The following WDR27 variants were observed in gnomAD, a reference collection of about 807,000 sequenced individuals.
WDR27 encodes WD repeat-containing protein 27.
A neutral mutation model predicts 114.4 loss-of-function variants in WDR27; 100 were observed. That is an observed-to-expected ratio of 0.87 (90% CI 0.74 to 1.03). The LOEUF (loss-of-function observed/expected upper bound fraction) is 1.03. Among genes scored for constraint, WDR27 ranks in the 50% least tolerant of loss-of-function variants. WDR27 has a pLI of 0.00. For synonymous variants in WDR27, 449 were observed against 423.1 expected (o/e 1.06, Z -0.75); for missense variants, 1,129 against 1,092.9 (o/e 1.03, Z -0.47).
intron 1 of WDR27, among the ~76,000 whole-genome samples, chr6:169,694,634 T>C (rs1785363107): frequency 6.6e-6 from 1 of 152,134 alleles, no homozygotes. Flanking sequence ...CCTAATCCAA[T>C]GGAGAGAAAA....
At chr6:169,700,258 T>G (rs1384258199) in intron 1 of WDR27, among the ~76,000 whole-genome samples, 2 of 152,232 alleles carry the variant, frequency 1.3e-5, no homozygotes, top group Non-Finnish European at 1.5e-5. Flanking sequence ...GAGAGAACTG[T>G]GCAATCCTGA....
intron 23 of WDR27, among the ~76,000 whole-genome samples, chr6:169,593,811 T>C (rs1210250453): frequency 1.3e-5 from 2 of 152,120 alleles, no homozygotes; most frequent in African/African-American, 2.4e-5. Context: ...ATCGCGGCAC[T>C]GAACTCCAAC....
intron 23 of WDR27, among the ~76,000 whole-genome samples, chr6:169,592,848 CCT>C (rs1345652111): frequency 1.3e-5 from 2 of 152,102 alleles, no homozygotes; most frequent in Admixed American, 6.6e-5. Context: ...TTCATGGATT[CCT>C]CTTTTACCGG....
chr6:169,657,985 T>G (rs1824727602), intron 13 of WDR27: 1 of 274,936 alleles, frequency 3.6e-6, no homozygotes, highest in East Asian at 6.1e-5. Flanking sequence ...TTGCTGAAGG[T>G]CCACTCTGCA....
At chr6:169,481,450 G>A (rs533516158) in intron 25 of WDR27, among the ~76,000 whole-genome samples, 1 of 152,302 alleles carries the variant, frequency 6.6e-6, no homozygotes, top group African/African-American at 2.4e-5. Context: ...AACCTGCTCG[G>A]GTTCCCTTCC....
intron 1 of WDR27, among the ~76,000 whole-genome samples, chr6:169,690,285 T>TCCA (rs368698117): frequency 1.1e-3 from 165 of 152,280 alleles, no homozygotes; most frequent in African/African-American, 3.9e-3. Context: ...ATTCGAAAAA[T>TCCA]CCACCCGTGT....
At chr6:169,580,318 AT>A (rs1204610348) in intron 24 of WDR27, among the ~76,000 whole-genome samples, 49 of 152,362 alleles carry the variant, frequency 3.2e-4, no homozygotes, top group African/African-American at 1.2e-3. Context: ...AACCAAGGGT[AT>A]TCATTTTAAA....
chr6:169,696,690 G>T (rs925821414), intron 1 of WDR27, among the ~76,000 whole-genome samples: 4 of 152,158 alleles, frequency 2.6e-5, no homozygotes, highest in Non-Finnish European at 5.9e-5. Context: ...TGAGGCGGGT[G>T]GATCACGAGG....
At chr6:169,654,832 G>GGC (rs1823662746) in intron 13 of WDR27, among the ~76,000 whole-genome samples, 1 of 152,040 alleles carries the variant, frequency 6.6e-6, no homozygotes, top group Admixed American at 6.6e-5. Context: ...CTCAGAAGGA[G>GGC]GCGGCTCGCT....
At chr6:169,492,065 A>T (rs879598950) in intron 25 of WDR27, among the ~76,000 whole-genome samples, 5 of 152,240 alleles carry the variant, frequency 3.3e-5, no homozygotes, top group Non-Finnish European at 5.9e-5. Flanking sequence ...ATTTTAAATA[A>T]GAAAATAGTC....
intron 22 of WDR27, among the ~76,000 whole-genome samples, chr6:169,603,150 T>TC (rs1449111566): frequency 7.2e-6 from 1 of 139,174 alleles, no homozygotes; most frequent in East Asian, 2.1e-4. Context: ...CCAAGATAAT[T>TC]CTTTTTTTTT....
chr6:169,548,265 C>G (rs1343260927), intron 25 of WDR27, among the ~76,000 whole-genome samples: 1 of 152,168 alleles, frequency 6.6e-6, no homozygotes, highest in Non-Finnish European at 1.5e-5. Flanking sequence ...CCAATTCGAT[C>G]TACACATTCA....
At chr6:169,613,926 C>G (rs1026356975) in intron 21 of WDR27, among the ~76,000 whole-genome samples, 7 of 151,928 alleles carry the variant, frequency 4.6e-5, no homozygotes, top group East Asian at 1.9e-4. Context: ...CAAAAAAGAC[C>G]AAGATAGTAA....
At chr6:169,561,454 T>G (rs890886297) in intron 25 of WDR27, among the ~76,000 whole-genome samples, 9 of 152,148 alleles carry the variant, frequency 5.9e-5, no homozygotes, top group Middle Eastern at 3.4e-3. Flanking sequence ...AGAGGAGAAA[T>G]GGAAGTTTGC....
chr6:169,583,005 A>G, intron 23 of WDR27, 71 bp from the exon 24 acceptor site: 4 of 1,345,694 alleles, frequency 3.0e-6, no homozygotes, highest in Non-Finnish European at 4.2e-6. Context: ...TAGGCAGAGC[A>G]GAGGGACCAT....
chr6:169,459,160 G>A (rs957615581), intron 25 of WDR27, among the ~76,000 whole-genome samples: 1 of 152,096 alleles, frequency 6.6e-6, no homozygotes. Flanking sequence ...ACAGCACAAC[G>A]ACTTTAAAAC....
chr6:169,552,367 C>A (rs1438498064), intron 25 of WDR27, among the ~76,000 whole-genome samples: 8 of 152,218 alleles, frequency 5.3e-5, no homozygotes, highest in Admixed American at 2.0e-4. Context: ...GAAACGCCAG[C>A]TCCACGAGGA....
At chr6:169,666,909 G>C in intron 6 of WDR27, 1 of 985,426 alleles carries the variant, frequency 1.0e-6, no homozygotes, top group Non-Finnish European at 1.2e-6. Context: ...AAACAGAAAG[G>C]CCCAGACTCC....
At chr6:169,435,311 C>T in the WDR27 span, among the ~76,000 whole-genome samples, 2 of 152,354 alleles carry the variant, frequency 1.3e-5, no homozygotes, top group Admixed American at 1.3e-4. Flanking sequence ...GGTGAGTCCC[C>T]ACTGGGGCAT....
Sources: allele counts gnomAD v4.1 joint callset (sites outside exome capture counted in the v4.1 genomes callset), GRCh38; gene constraint gnomAD v4.1.1; transcripts MANE v1.5; gene names NCBI Gene and HGNC (gene_info 2026-07-23, HGNC 2026-07-21).